Variants in TRIM17 observed in about 807,000 individuals in gnomAD.
TRIM17 encodes the protein E3 ubiquitin-protein ligase TRIM17.
TRIM17 carries 27 observed loss-of-function variants against 35.8 expected under a neutral mutation model. The ratio of observed to expected loss-of-function variants is 0.75; its 90% CI spans 0.56 to 1.04. TRIM17 has a LOEUF of 1.04. TRIM17 is among the 50% of genes least tolerant of loss of function. TRIM17 has a pLI of 0.00. For missense variants in TRIM17, 582 were observed against 612.8 expected (o/e 0.95, Z 0.53); for synonymous variants, 246 against 252.6 (o/e 0.97, Z 0.25).
Position 228,416,722 on chromosome 1 carries a change from G to GGGGGGGGGGGGGC in TRIM17, c.-226_-225insGCCCCCCCCCCCC. The GGGGGGGGGGGGGC allele has an allele frequency of 3.5e-6, 2 of 568,110 alleles. No homozygotes were observed. The highest frequency in any genetic ancestry group is 4.4e-6 in the Non-Finnish European group (2 of 453,596). 35.2% of individuals were successfully genotyped at this position (568,110 alleles called of 1,614,324 possible). The stretch of plus-strand genomic sequence containing the variant: ...GGGGCTGGGGGGCGGCGGGGGAGGG[G>GGGGGGGGGGGGGC]AATGCTGGGCGAGGGAGTGTTCGGC... On this transcript the variant is annotated 5_prime_UTR_variant, in exon 1 of 7. Coordinates refer to ENST00000366698, the MANE Select transcript of TRIM17 (RefSeq NM_016102.4).
chr1:228,411,256 G>C lies in TRIM17; in HGVS notation c.526-80C>G, dbSNP rs1279336950. 2.4e-5 allele frequency: 29 copies of C among 1,215,336 alleles called. No individual in the cohort carries two copies. The East Asian group carries it at 6.4e-4, about 27-fold the overall frequency. The allele number at this position is 1,215,336 out of a possible 1,614,324, so 75.3% of individuals were successfully genotyped here. A position where few individuals can be genotyped will look rare whatever the true frequency, so the allele number is the denominator to read the frequency against. On this transcript the variant is annotated intron_variant, in intron 3 of 6. Transcript: ENST00000366698. The surrounding 1 kb of genome is among the most constrained non-coding windows in gnomAD (Gnocchi z 4.2). The stretch of plus-strand genomic sequence containing the variant: ...TGCTGGCACCTCTCCCCAGGGCCCT[G>C]GTGACCCACAAGATCACCAGCAACT...
rs1656806561 is a variant in TRIM17 at position 228,411,988 on chromosome 1, A to G, written c.526-812T>C. On this transcript the variant is annotated intron_variant, in intron 3 of 6. Coordinates refer to ENST00000366698, the MANE Select transcript of TRIM17 (RefSeq NM_016102.4). The surrounding 1 kb of genome is among the most constrained non-coding windows in gnomAD (Gnocchi z 4.2). ...AACCAGAATGGAGTCACTGGTGCTA[A>G]TGAAACCAAGGGGTTCACTGATCAG... Among the ~76,000 whole-genome samples the G allele has an allele frequency of 6.6e-6, 1 of 152,198 alleles. No individual in the cohort carries two copies. The highest frequency in any genetic ancestry group is 1.5e-5 in the Non-Finnish European group (1 of 68,030).
Position 228,416,757 on chromosome 1 carries a change from T to TG in TRIM17, c.-261dup. ...CGAGGGAGTGTTCGGCGGCCGGGAC[T>TG]GGGGCGGCGCCTCTTAGGAGAGGTT... On this transcript the variant is annotated 5_prime_UTR_variant, in exon 1 of 7. Transcript: ENST00000366698. The TG allele has an allele frequency of 8.5e-6, 8 of 938,704 alleles. No homozygotes were observed. Among genetic ancestry groups the TG allele is most frequent in the Non-Finnish European group, 8.6e-6 (7 of 812,960 alleles). The allele number at this position is 938,704 out of a possible 1,614,324, so 58.1% of individuals were successfully genotyped here.
chr1:228,416,242 T>TC, intron 1 of TRIM17: 2 of 721,246 alleles, frequency 2.8e-6, no homozygotes, highest in Non-Finnish European at 3.4e-6. Context: ...GCCCTCCGAC[T>TC]CCCCCCAAGA....
rs554312438 is a variant in TRIM17, at chr1:228,414,499, C to T, written c.429+145G>A. On this transcript the variant is annotated intron_variant, in intron 2 of 6. Transcript: ENST00000366698. ...ACACCCCTACCCAGCCACAGGCCAC[C>T]TTGTCCCCTGGATGCCTCCTCCCCA... is the stretch of plus-strand genomic sequence containing the variant. The T allele has an allele frequency of 1.1e-4, 75 of 690,398 alleles. No individual in the cohort carries two copies. In the South Asian group the frequency reaches 1.4e-3, roughly 12 times the overall value. 42.8% of individuals were successfully genotyped at this position (690,398 alleles called of 1,614,324 possible). A position where few individuals can be genotyped will look rare whatever the true frequency, so the allele number is the denominator to read the frequency against.
Position 228,408,144 on chromosome 1 carries a change from A to C in TRIM17, c.*57T>G. On this transcript the variant is annotated 3_prime_UTR_variant, in exon 7 of 7. Coordinates refer to ENST00000366698, the MANE Select transcript of TRIM17 (RefSeq NM_016102.4). The surrounding 1 kb of genome is among the most constrained non-coding windows in gnomAD (Gnocchi z 6.3). ...CCCTGGCAGGTGGCCTGCAGTAAGC[A>C]GAAGGCCCACACCTTCTGCAGAGCC... 6.7e-7 allele frequency: 1 copy of C among 1,482,038 alleles called. No individual in the cohort carries two copies. The highest frequency in any genetic ancestry group is 9.0e-7 in the Non-Finnish European group (1 of 1,110,346). 91.8% of individuals were successfully genotyped at this position (1,482,038 alleles called of 1,614,324 possible).
At chr1:228,409,019 C>A in intron 6 of TRIM17, 153 bp downstream of exon 6, 1 of 1,590,866 alleles carries the variant, frequency 6.3e-7, no homozygotes, top group Non-Finnish European at 8.6e-7. Flanking sequence ...CCAGTAACGC[C>A]GCCCTACGAA....
rs1657151318 is a variant in TRIM17 at position 228,416,612 on chromosome 1, C to T, written c.-115G>A. 1 of 985,608 alleles carries T rather than the reference C, an allele frequency of 1.0e-6. No homozygotes were observed. Among genetic ancestry groups the T allele is most frequent in the Non-Finnish European group, 1.2e-6 (1 of 830,246 alleles). 61.1% of individuals were successfully genotyped at this position (985,608 alleles called of 1,614,324 possible). Reference sequence around the variant, plus strand: ...TCGCTGCCGGGAAAGGCTGGGTCTGCCCCCACGAAGCCCAGGAGGCTGCGG... The same window carrying T: ...TCGCTGCCGGGAAAGGCTGGGTCTGTCCCCACGAAGCCCAGGAGGCTGCGG... On this transcript the variant is annotated 5_prime_UTR_variant, in exon 1 of 7. Transcript: ENST00000366698.
rs1172640673 is a variant in TRIM17 at position 228,411,193 on chromosome 1, G to C, written c.526-17C>G. 1 of 1,576,980 alleles carries C rather than the reference G, an allele frequency of 6.3e-7. No homozygotes were observed. The highest frequency in any genetic ancestry group is 8.6e-7 in the Non-Finnish European group (1 of 1,158,674). ...CACCTTGCCCTGCAGGAGTGGAGAAGCCCAGCATGTTGCCAGCAGGTGGCT... is the reference window on the plus strand; with the variant it reads ...CACCTTGCCCTGCAGGAGTGGAGAACCCCAGCATGTTGCCAGCAGGTGGCT... On this transcript the variant is annotated splice_polypyrimidine_tract_variant and intron_variant, in intron 3 of 6. Coordinates refer to ENST00000366698, the MANE Select transcript of TRIM17 (RefSeq NM_016102.4). The surrounding 1 kb of genome is among the most constrained non-coding windows in gnomAD (Gnocchi z 4.2).
intron 3 of TRIM17, among the ~76,000 whole-genome samples, chr1:228,412,584 C>T (rs1380871571): frequency 8.9e-6 from 1 of 112,424 alleles, no homozygotes; most frequent in Non-Finnish European, 1.7e-5. Context: ...AATAGCAAGA[C>T]CTTGTCTCTA....
chr1:228,415,529 A>C, intron 1 of TRIM17: 3 of 154,222 alleles, frequency 1.9e-5, no homozygotes, highest in Admixed American at 6.4e-5. Flanking sequence ...CCATCCACTG[A>C]CCCCACCCAG....
In TRIM17 at chr1:228,408,527, A is replaced by T; in HGVS notation, c.1108T>A (p.Cys370Ser). ...TCTTTCCGGCTCACGTTGTCCCTGC[A>T]CACACCCAGGGCCCACAACGCGTCC... ...TGDALWALGV[C>S]RDNVSRKDRV... Residue 370 changes from cysteine to serine, a missense_variant, in exon 7 of 7, where the codon TGC becomes AGC. Transcript: ENST00000366698. The surrounding 1 kb of genome is among the most constrained non-coding windows in gnomAD (Gnocchi z 6.3). 8 of 1,613,908 alleles carry T rather than the reference A, an allele frequency of 5.0e-6. No individual in the cohort carries two copies. The highest frequency in any genetic ancestry group is 6.8e-6 in the Non-Finnish European group (8 of 1,179,968).
chr1:228,415,036 C>G lies in TRIM17; in HGVS notation c.37G>C (p.Glu13Gln). Reference sequence around the variant, plus strand: ...TCCAGACAGATGGAGCACGTAGCTTCCTCCTGCAGTTTTCTGGCGAGTTCC... The same window carrying G: ...TCCAGACAGATGGAGCACGTAGCTTGCTCCTGCAGTTTTCTGGCGAGTTCC... ...AVELARKLQE[E>Q]ATCSICLDYF... Residue 13 changes from glutamate (E) to glutamine (Q), a missense_variant, in exon 2 of 7, where the codon GAA becomes CAA. By Grantham distance (29) the Glu-to-Gln change is conservative. Coordinates refer to ENST00000366698, the MANE Select transcript of TRIM17 (RefSeq NM_016102.4). 6.2e-7 allele frequency: 1 copy of G among 1,608,020 alleles called. No homozygotes were observed. Among genetic ancestry groups the G allele is most frequent in the Admixed American group, 1.7e-5 (1 of 59,960 alleles).
In TRIM17 at chr1:228,414,997, G is replaced by C; in HGVS notation, c.76C>G (p.Pro26Ala). 1.2e-6 allele frequency: 2 copies of C among 1,613,104 alleles called. No homozygotes were observed. Among genetic ancestry groups the C allele is most frequent in the South Asian group, 1.1e-5 (1 of 91,090 alleles). The change falls in exon 2 of 7, where the codon CCT (proline) becomes GCT (alanine). Residue 26 changes from proline (P) to alanine (A), a missense_variant. Transcript: ENST00000366698. ...CSICLDYFTD[P>A]VMTTCGHNFC... ...TTGTGGCCACAGGTGGTCATCACAG[G>C]GTCTGTGAAGTAATCCAGACAGATG...
In TRIM17 at chr1:228,408,600, G is replaced by A; in HGVS notation, c.1035C>T (p.Ala345=). The change falls in exon 7 of 7, where the codon GCC becomes GCT. Residue 345 remains alanine (A), a synonymous_variant. Transcript: ENST00000366698. The surrounding 1 kb of genome is among the most constrained non-coding windows in gnomAD (Gnocchi z 6.3). ...VAYPCAVGQT[A]FSSGRHYWEV... ...CCCAGTAGTGCCTCCCAGAGGAGAAGGCCGTCTGGCCCACAGCACAGGGGT... is the reference window on the plus strand; with the variant it reads ...CCCAGTAGTGCCTCCCAGAGGAGAAAGCCGTCTGGCCCACAGCACAGGGGT... The A allele has an allele frequency of 1.2e-5, 19 of 1,613,964 alleles. No homozygotes were observed. Among genetic ancestry groups the A allele is most frequent in the Non-Finnish European group, 1.6e-5 (19 of 1,180,020 alleles).
At chr1:228,409,563 C>T (rs1052379776) in intron 4 of TRIM17, 152 bp from the exon 5 acceptor site, 12 of 706,694 alleles carry the variant, frequency 1.7e-5, no homozygotes, top group Non-Finnish European at 2.5e-5. Flanking sequence ...CACTCCTGAG[C>T]CTTCCCCACT....
At chr1:228,412,748 CCA>C (rs1204494157) in intron 3 of TRIM17, among the ~76,000 whole-genome samples, 2 of 151,804 alleles carry the variant, frequency 1.3e-5, no homozygotes, top group Non-Finnish European at 2.9e-5. Context: ...CCAGCCTGGG[CCA>C]CAGAGCGACT....
At position 228,408,886 on chromosome 1, in the gene TRIM17, T is replaced by C. The variant is rs1656611011; in HGVS notation, c.884-135A>G. The stretch of plus-strand genomic sequence containing the variant: ...CCGCAGAGGCCTCCCCTGCTGTGAA[T>C]CTGGGGTTACTTGATGCTTCCACAC... On this transcript the variant is annotated intron_variant, in intron 6 of 6. Coordinates refer to ENST00000366698, the MANE Select transcript of TRIM17 (RefSeq NM_016102.4). The surrounding 1 kb of genome is among the most constrained non-coding windows in gnomAD (Gnocchi z 6.3). The C allele has an allele frequency of 6.8e-7, 1 of 1,480,186 alleles. No individual in the cohort carries two copies. The highest frequency in any genetic ancestry group is 9.0e-7 in the Non-Finnish European group (1 of 1,113,996). 91.7% of individuals were successfully genotyped at this position (1,480,186 alleles called of 1,614,324 possible).
rs956879352 is a variant in TRIM17 at position 228,408,928 on chromosome 1, C to T, written c.884-177G>A. The T allele has an allele frequency of 4.6e-5, 69 of 1,488,134 alleles. No homozygotes were observed. Among genetic ancestry groups the T allele is most frequent in the Admixed American group, 1.1e-4 (5 of 44,280 alleles). The allele number at this position is 1,488,134 out of a possible 1,614,324, so 92.2% of individuals were successfully genotyped here. A position where few individuals can be genotyped will look rare whatever the true frequency, so the allele number is the denominator to read the frequency against. Reference sequence around the variant, plus strand: ...CTTCCACACACCAATTGTGTGTGGGCCTTGGTGGCAATAAGGTACAGGGGG... The same window carrying T: ...CTTCCACACACCAATTGTGTGTGGGTCTTGGTGGCAATAAGGTACAGGGGG... On this transcript the variant is annotated intron_variant, in intron 6 of 6. Transcript: ENST00000366698. This position sits in a 1 kb window ranked among gnomAD's most constrained non-coding sequence, Gnocchi z 6.3.
Sources: gnomAD v4.1 joint callset for allele counts (sites outside exome capture counted in the v4.1 genomes callset) on GRCh38, gnomAD v4.1.1 for gene constraint, Gnocchi (gnomAD v3.1) non-coding constraint, MANE v1.5 for transcripts, NCBI Gene and HGNC (gene_info 2026-07-23, HGNC 2026-07-21) for gene names.